The following ZNF254 variants were observed in gnomAD, a reference collection of about 807,000 sequenced individuals.
ZNF254 encodes CTD-2017D11.1.
In ZNF254, 10 loss-of-function variants were observed where a neutral mutation model predicts 12.4. The ratio of observed to expected loss-of-function variants is 0.80; its 90% CI spans 0.50 to 1.36. ZNF254 has a LOEUF of 1.36. Among genes scored for constraint, ZNF254 ranks in the 40% most tolerant of loss-of-function variants. ZNF254 has a pLI of 0.00. For missense variants in ZNF254, 996 were observed against 763.9 expected (o/e 1.30, Z -3.58); for synonymous variants, 305 against 253.4 (o/e 1.20, Z -1.93).
rs879064490 is a variant in ZNF254 at position 24,126,826 on chromosome 19, A to G, written c.826A>G (p.Asn276Asp). 1.2e-6 allele frequency: 2 copies of G among 1,613,164 alleles called. No individual in the cohort carries two copies. The highest frequency in any genetic ancestry group is 1.7e-6 in the Non-Finnish European group (2 of 1,179,704). The change falls in exon 4 of 4, where the codon AAT (asparagine) becomes GAT (aspartate). Residue 276 changes from asparagine to aspartate, a missense_variant. Transcript: ENST00000357002. Reference protein sequence around the residue: ...YKCEECGEAFNRSSNLTTHKI... With the variant: ...YKCEECGEAFDRSSNLTTHKI... ...ATGTGAAGAATGTGGTGAAGCTTTTAATCGATCCTCAAATCTTACTACACA... is the reference window on the plus strand; with the variant it reads ...ATGTGAAGAATGTGGTGAAGCTTTTGATCGATCCTCAAATCTTACTACACA...
chr19:24,083,998 G>GA (rs1971939593), upstream of ZNF254, among the ~76,000 whole-genome samples: 1 of 151,784 alleles, frequency 6.6e-6, no homozygotes, highest in South Asian at 2.1e-4. Flanking sequence ...TCTACATGGT[G>GA]AAAAATAAGT....
In ZNF254 at chr19:24,126,293, A is replaced by G. The variant is rs1974829988; in HGVS notation, c.293A>G (p.Gln98Arg). ...TTTGCTCAAGACCTTTGGCCAGAGCAGGGCATGGAAGATTCTTTTCAAAAA... is the reference window on the plus strand; with the variant it reads ...TTTGCTCAAGACCTTTGGCCAGAGCGGGGCATGGAAGATTCTTTTCAAAAA... Reference protein sequence around the residue: ...PHFAQDLWPEQGMEDSFQKAI... With the variant: ...PHFAQDLWPERGMEDSFQKAI... Residue 98 changes from glutamine (Q) to arginine (R), a missense_variant, in exon 4 of 4, where the codon CAG becomes CGG. By Grantham distance (43) the Gln-to-Arg change is conservative. Coordinates refer to ENST00000357002, the MANE Select transcript of ZNF254 (RefSeq NM_203282.4). The G allele has an allele frequency of 6.4e-7, 1 of 1,556,320 alleles. No homozygotes were observed. The highest frequency in any genetic ancestry group is 1.3e-5 in the South Asian group (1 of 78,362).
chr19:24,082,897 G>A (rs1390466935), upstream of ZNF254, among the ~76,000 whole-genome samples: 1 of 151,852 alleles, frequency 6.6e-6, no homozygotes, highest in Non-Finnish European at 1.5e-5. Flanking sequence ...TTTTCTCTGA[G>A]AAATGGAACA....
intron 1 of ZNF254, among the ~76,000 whole-genome samples, chr19:24,035,846 T>A (rs1196898798): frequency 6.6e-6 from 1 of 152,148 alleles, no homozygotes; most frequent in Non-Finnish European, 1.5e-5. Context: ...GTCTGTGGCT[T>A]CATAATATCA....
chr19:24,035,383 A>G (rs1969927797), intron 1 of ZNF254, among the ~76,000 whole-genome samples: 2 of 152,050 alleles, frequency 1.3e-5, no homozygotes, highest in Non-Finnish European at 2.9e-5. Flanking sequence ...GGCTGGTCCA[A>G]AACTCCTGAC....
At chr19:24,047,244 TC>T (rs913277310) in intron 2 of ZNF254, among the ~76,000 whole-genome samples, 1 of 152,046 alleles carries the variant, frequency 6.6e-6, no homozygotes, top group African/African-American at 2.4e-5. Flanking sequence ...GTTTCTCTCT[TC>T]CTTTTTTTTG....
At chr19:24,107,918 G>T (rs1846007422) in intron 3 of ZNF254, among the ~76,000 whole-genome samples, 1 of 152,168 alleles carries the variant, frequency 6.6e-6, no homozygotes, top group Non-Finnish European at 1.5e-5. Context: ...ACCTTCAGTT[G>T]TCTTCTTAAA....
intron 2 of ZNF254, among the ~76,000 whole-genome samples, chr19:24,058,284 G>A (rs183092947): frequency 3.3e-5 from 5 of 152,210 alleles, no homozygotes; most frequent in Non-Finnish European, 5.9e-5. Flanking sequence ...GTGACATATC[G>A]CTGCACCAGA....
At chr19:24,053,112 A>G (rs1970710334) in intron 2 of ZNF254, among the ~76,000 whole-genome samples, 1 of 152,200 alleles carries the variant, frequency 6.6e-6, no homozygotes, top group Admixed American at 6.5e-5. Flanking sequence ...TCATACCCAG[A>G]TGAAGTTGAA....
intron 3 of ZNF254, among the ~76,000 whole-genome samples, chr19:24,116,842 T>G (rs925338260): frequency 6.6e-6 from 1 of 152,140 alleles, no homozygotes; most frequent in African/African-American, 2.4e-5. Context: ...CTTTTGGTCT[T>G]TGACGATGGT....
chr19:24,114,315 G>A (rs2145883547), intron 3 of ZNF254, among the ~76,000 whole-genome samples: 1 of 145,696 alleles, frequency 6.9e-6, no homozygotes, highest in East Asian at 2.0e-4. Context: ...GCATGGTACT[G>A]GTACGAAAAC....
intron 1 of ZNF254, among the ~76,000 whole-genome samples, chr19:24,096,034 G>T (rs572035251): frequency 2.2e-4 from 33 of 148,290 alleles, no homozygotes; most frequent in Non-Finnish European, 4.5e-4. Context: ...ATATTGCAGA[G>T]ATTCTGATGT....
At chr19:24,104,018 C>T (rs1482040317) in intron 1 of ZNF254, among the ~76,000 whole-genome samples, 1 of 152,058 alleles carries the variant, frequency 6.6e-6, no homozygotes, top group Non-Finnish European at 1.5e-5. Flanking sequence ...AGACACCACA[C>T]CCAGCCAACT....
At chr19:24,098,115 CACAT>C (rs1461451214) in intron 1 of ZNF254, among the ~76,000 whole-genome samples, 4 of 151,996 alleles carry the variant, frequency 2.6e-5, no homozygotes, top group African/African-American at 4.8e-5. Context: ...TTAAAAATTC[CACAT>C]ACATTATGAG....
chr19:24,110,635 A>G (rs1000803688), intron 3 of ZNF254, among the ~76,000 whole-genome samples: 2 of 152,278 alleles, frequency 1.3e-5, no homozygotes, highest in Admixed American at 1.3e-4. Context: ...ACTTCTAGAA[A>G]TTTTACATCT....
chr19:24,090,595 C>T (rs977244165), intron 1 of ZNF254, among the ~76,000 whole-genome samples: 2 of 152,132 alleles, frequency 1.3e-5, no homozygotes, highest in African/African-American at 4.8e-5. Context: ...CACCACCACA[C>T]TCAGCTAGTT....
chr19:24,034,843 G>T (rs1345170390), intron 1 of ZNF254, among the ~76,000 whole-genome samples: 1 of 151,588 alleles, frequency 6.6e-6, no homozygotes, highest in African/African-American at 2.4e-5. Context: ...GAGTGCAGTG[G>T]TGCGATCTTG....
intron 1 of ZNF254, among the ~76,000 whole-genome samples, chr19:24,087,595 C>T (rs1301822136): frequency 1.3e-5 from 2 of 152,216 alleles, no homozygotes; most frequent in Non-Finnish European, 2.9e-5. Flanking sequence ...CCCCGCGTCT[C>T]TCCCAGATTG....
chr19:24,090,686 C>T (rs554658028), intron 1 of ZNF254, among the ~76,000 whole-genome samples: 1 of 152,288 alleles, frequency 6.6e-6, no homozygotes, highest in Admixed American at 6.5e-5. Context: ...ACTCACCTGC[C>T]TGAGCCTTCC....
Sources: gnomAD v4.1 joint callset for allele counts (sites outside exome capture counted in the v4.1 genomes callset) on GRCh38, gnomAD v4.1.1 for gene constraint, MANE v1.5 for transcripts, NCBI Gene and HGNC (gene_info 2026-07-23, HGNC 2026-07-21) for gene names.